Variants in ARHGEF9 observed in about 807,000 individuals in gnomAD.
The protein encoded by ARHGEF9 is rho guanine nucleotide exchange factor 9.
Under a neutral mutation model 41.3 loss-of-function variants are expected in ARHGEF9, and 2 were observed. The observed-to-expected ratio is 0.05, with a 90% CI of 0.02 to 0.15. ARHGEF9 has a LOEUF of 0.15. Among genes scored for constraint, ARHGEF9 ranks in the 10% least tolerant of loss-of-function variants. ARHGEF9 has a pLI of 1.00. For synonymous variants in ARHGEF9, 160 were observed against 154.4 expected, an observed-to-expected ratio of 1.04 and a Z score of -0.27; for missense variants, 225 against 424.7, an observed-to-expected ratio of 0.53 and a Z score of 4.13.
chrX:63,750,201 G>A (rs2055535813), intron 1 of ARHGEF9, among the ~76,000 whole-genome samples: 1 of 111,965 alleles, frequency 8.9e-6, no homozygotes, highest in South Asian at 3.8e-4. Flanking sequence ...AAACTGAGAT[G>A]GCAGACAAAG....
At chrX:63,780,480 G>C (rs2056362904) in intron 1 of ARHGEF9, among the ~76,000 whole-genome samples, 1 of 111,169 alleles carries the variant, frequency 9.0e-6, no homozygotes, top group Admixed American at 9.6e-5. Flanking sequence ...AGACAACCCT[G>C]AGTGCAAGCA....
chrX:63,736,170 G>C (rs781786761), intron 1 of ARHGEF9, among the ~76,000 whole-genome samples: 3 of 111,795 alleles, frequency 2.7e-5, no homozygotes, highest in African/African-American at 9.8e-5. Flanking sequence ...CTAAACCTAG[G>C]CTGCCAGAGA....
chrX:63,638,028 T>C lies in ARHGEF9; in HGVS notation c.1572A>G (p.Ter524TrpextTer7). Reference protein sequence around the residue: ...NFSRLTPFKK* With the variant: ...NFSRLTPFKKW ...AAAATTATCTGCCTCCCTGTAGGTA[T>C]CATTTTTTGAAGGGGGTTAACCTGC... Residue 524 changes from the stop codon to tryptophan, a stop_lost, in exon 10 of 10, where the codon TGA (stop) becomes TGG (tryptophan). Coordinates refer to ENST00000671741, the MANE Select transcript of ARHGEF9 (RefSeq NM_001353921.2). 8.3e-7 allele frequency: 1 copy of C among 1,208,632 alleles called. No homozygotes were observed. The highest frequency in any genetic ancestry group is 1.1e-6 in the Non-Finnish European group (1 of 893,881).
chrX:63,739,686 C>A (rs1172703829), intron 1 of ARHGEF9, among the ~76,000 whole-genome samples: 1 of 111,517 alleles, frequency 9.0e-6, no homozygotes. Context: ...CTTAAAAGAA[C>A]GGTATGGGAA....
intron 1 of ARHGEF9, among the ~76,000 whole-genome samples, chrX:63,746,601 T>C (rs1449995257): frequency 1.8e-5 from 2 of 112,178 alleles, no homozygotes. Flanking sequence ...AGCCTCACTT[T>C]CTTAACTACT....
intron 1 of ARHGEF9, among the ~76,000 whole-genome samples, chrX:63,764,693 A>T (rs2056086335): frequency 8.9e-6 from 1 of 112,041 alleles, no homozygotes; most frequent in Non-Finnish European, 1.9e-5. Flanking sequence ...GCTGGAAGCC[A>T]TTATCCTCAG....
intron 2 of ARHGEF9, chrX:63,707,311 C>T (rs782654197): frequency 2.0e-5 from 2 of 102,144 alleles, no homozygotes; most frequent in African/African-American, 3.7e-5. Flanking sequence ...CTGATAAATT[C>T]GCTAACAGTT....
intron 2 of ARHGEF9, among the ~76,000 whole-genome samples, chrX:63,708,525 C>T (rs1556404436): frequency 8.9e-6 from 1 of 111,842 alleles, no homozygotes; most frequent in Admixed American, 9.4e-5. Context: ...TGAGAAAAGA[C>T]GAAGGCAACT....
chrX:63,723,294 TC>T (rs2053747351), intron 2 of ARHGEF9, among the ~76,000 whole-genome samples: 1 of 111,518 alleles, frequency 9.0e-6, no homozygotes, highest in Admixed American at 9.5e-5. Context: ...AAGTTAAAAA[TC>T]TTACCAAAAG....
intron 1 of ARHGEF9, among the ~76,000 whole-genome samples, chrX:63,745,454 T>A (rs1279981993): frequency 3.6e-5 from 4 of 111,138 alleles, no homozygotes; most frequent in Non-Finnish European, 5.7e-5. Flanking sequence ...TCTCCCAGCC[T>A]CTCGTCAGCT....
chrX:63,681,389 C>G (rs2050614148), intron 4 of ARHGEF9, among the ~76,000 whole-genome samples: 1 of 112,148 alleles, frequency 8.9e-6, no homozygotes, highest in Non-Finnish European at 1.9e-5. Context: ...AGATCAACAT[C>G]ATATCAAGTA....
chrX:63,666,402 T>TTATA (rs781961065), intron 6 of ARHGEF9, among the ~76,000 whole-genome samples: 1 of 93,554 alleles, frequency 1.1e-5, no homozygotes, highest in Non-Finnish European at 2.1e-5. Context: ...GAGATTTTCT[T>TTATA]TATATATATA....
chrX:63,680,030 C>T (rs1433217928), intron 4 of ARHGEF9, among the ~76,000 whole-genome samples: 4 of 111,938 alleles, frequency 3.6e-5, no homozygotes, highest in Non-Finnish European at 7.5e-5. Context: ...CAACCGTATT[C>T]CTGTGTAATA....
intron 1 of ARHGEF9, among the ~76,000 whole-genome samples, chrX:63,726,165 G>A (rs141352475): frequency 9.0e-6 from 1 of 111,633 alleles, no homozygotes; most frequent in Non-Finnish European, 1.9e-5. Flanking sequence ...AGAAGGTAAG[G>A]CATAGGGTGA....
At chrX:63,671,395 C>G (rs1362691009) in intron 6 of ARHGEF9, 2 of 112,288 alleles carry the variant, frequency 1.8e-5, no homozygotes, top group Non-Finnish European at 3.8e-5. Context: ...ACTCACCCAC[C>G]ACCTGACTGG....
At chrX:63,655,225 ATG>A (rs1458551937) in intron 8 of ARHGEF9, among the ~76,000 whole-genome samples, 2 of 112,104 alleles carry the variant, frequency 1.8e-5, no homozygotes, top group Non-Finnish European at 3.8e-5. Context: ...TTGCTAATAA[ATG>A]TATGTTTGGG....
chrX:63,735,932 T>G (rs2054593738), intron 1 of ARHGEF9, among the ~76,000 whole-genome samples: 2 of 111,859 alleles, frequency 1.8e-5, no homozygotes, highest in African/African-American at 6.5e-5. Flanking sequence ...AGAAAAGACA[T>G]CCAGCCAAGG....
intron 8 of ARHGEF9, among the ~76,000 whole-genome samples, chrX:63,645,136 TA>T (rs1232629756): frequency 9.1e-6 from 1 of 110,425 alleles, no homozygotes; most frequent in Non-Finnish European, 1.9e-5. Context: ...ATAAAATATC[TA>T]AAAATAAATA....
At chrX:63,779,357 G>T (rs782110168) in intron 1 of ARHGEF9, among the ~76,000 whole-genome samples, 13 of 112,418 alleles carry the variant, frequency 1.2e-4, no homozygotes, top group African/African-American at 4.2e-4. Context: ...GAGGCCTCAC[G>T]ATCACGGCAG....
Sources: gnomAD v4.1 joint callset for allele counts (sites outside exome capture counted in the v4.1 genomes callset) on GRCh38, gnomAD v4.1.1 for gene constraint, MANE v1.5 for transcripts, NCBI Gene and HGNC (gene_info 2026-07-23, HGNC 2026-07-21) for gene names.